ASIC2: variants seen among roughly 807,000 people sequenced by gnomAD.
ASIC2 encodes acid sensing ion channel subunit 2.
In ASIC2, 25 loss-of-function variants were observed where a neutral mutation model predicts 57.3. That is an observed-to-expected ratio of 0.44 (90% CI 0.32 to 0.61). The LOEUF is 0.61. Ranked by LOEUF, ASIC2 falls within the 20% of genes least tolerant of loss-of-function variation. The pLI is 0.06. For missense variants in ASIC2, 641 were observed against 738.1 expected (o/e 0.87, Z 1.52); for synonymous variants, 319 against 307.5 (o/e 1.04, Z -0.39).
chr17:33,779,498 C>G (rs1911383965), intron 1 of ASIC2, among the ~76,000 whole-genome samples: 3 of 152,216 alleles, frequency 2.0e-5, no homozygotes, highest in Non-Finnish European at 4.4e-5. Flanking sequence ...ACAAAGCCAG[C>G]TAGGGCTTTT....
chr17:33,534,313 G>C (rs1048103754), intron 1 of ASIC2: 1 of 152,138 alleles, frequency 6.6e-6, no homozygotes, highest in East Asian at 1.9e-4. Context: ...AGACAACCTT[G>C]AGCATGCAGA....
intron 1 of ASIC2, among the ~76,000 whole-genome samples, chr17:33,362,481 T>C (rs1262295896): frequency 6.6e-6 from 1 of 152,210 alleles, no homozygotes; most frequent in African/African-American, 2.4e-5. Flanking sequence ...GAGTAAGCTC[T>C]GGATGATGTT....
At chr17:34,153,494 A>G (rs1904601855) in intron 1 of ASIC2, among the ~76,000 whole-genome samples, 1 of 152,012 alleles carries the variant, frequency 6.6e-6, no homozygotes, top group Admixed American at 6.5e-5. Context: ...AGGCCAAAAA[A>G]AGACAGAGGG....
chr17:33,543,260 C>T (rs1915477137), intron 1 of ASIC2, among the ~76,000 whole-genome samples: 1 of 149,290 alleles, frequency 6.7e-6, no homozygotes, highest in Non-Finnish European at 1.5e-5. Flanking sequence ...ACAATGTGCA[C>T]ACGTACCCTA....
intron 1 of ASIC2, among the ~76,000 whole-genome samples, chr17:34,050,963 T>C (rs574922505): frequency 2.4e-4 from 36 of 152,316 alleles, no homozygotes; most frequent in African/African-American, 8.4e-4. Flanking sequence ...TGGGTTGTGA[T>C]TGAGGCTTGC....
chr17:33,295,036 G>C (rs1260814094), upstream of ASIC2, among the ~76,000 whole-genome samples: 1 of 152,092 alleles, frequency 6.6e-6, no homozygotes, highest in East Asian at 1.9e-4. Flanking sequence ...AAGCAACCAG[G>C]ACAAGCATGT....
chr17:33,093,667 A>C (rs2092166462), intron 2 of ASIC2, among the ~76,000 whole-genome samples: 1 of 152,110 alleles, frequency 6.6e-6, no homozygotes, highest in African/African-American at 2.4e-5. Context: ...GGTGAGATCT[A>C]CCTGGCCAGG....
At chr17:33,866,687 A>G (rs1023186747) in intron 1 of ASIC2, among the ~76,000 whole-genome samples, 1 of 152,182 alleles carries the variant, frequency 6.6e-6, no homozygotes, top group African/African-American at 2.4e-5. Context: ...CAATCGTCCC[A>G]TAAAATGTAG....
intron 1 of ASIC2, among the ~76,000 whole-genome samples, chr17:33,905,872 C>A (rs947342980): frequency 1.3e-5 from 2 of 152,048 alleles, no homozygotes; most frequent in African/African-American, 4.8e-5. Context: ...GGCTGGAGTG[C>A]GGTGGCATAA....
chr17:33,071,765 G>T (rs1304944418), intron 3 of ASIC2, among the ~76,000 whole-genome samples: 1 of 152,154 alleles, frequency 6.6e-6, no homozygotes, highest in Non-Finnish European at 1.5e-5. Flanking sequence ...GATTTGTTAG[G>T]CAGAAACAAA....
At chr17:33,945,954 C>A (rs1904361505) in intron 1 of ASIC2, among the ~76,000 whole-genome samples, 1 of 152,184 alleles carries the variant, frequency 6.6e-6, no homozygotes, top group Non-Finnish European at 1.5e-5. Context: ...ACAGGGAAAT[C>A]CCATTTGTGG....
rs953943393 is a variant in ASIC2 at position 33,036,311 on chromosome 17, A to G, written c.988-7919T>C. On this transcript the variant is annotated intron_variant, in intron 3 of 9. Coordinates refer to ENST00000225823, the MANE Select transcript of ASIC2 (RefSeq NM_183377.2). The stretch of plus-strand genomic sequence containing the variant: ...TGATCTTGTGAGGGGCAGAGTCAGC[A>G]GATTTCAGATCCTAAACTTGTGCTT... Among the ~76,000 whole-genome samples, 3 of 152,312 alleles carry G rather than the reference A, an allele frequency of 2.0e-5. No homozygotes were observed. The East Asian group carries it at 5.8e-4, about 29-fold the overall frequency.
intron 1 of ASIC2, among the ~76,000 whole-genome samples, chr17:33,483,387 T>C (rs1186831944): frequency 6.6e-5 from 10 of 152,200 alleles, no homozygotes; most frequent in Admixed American, 6.5e-4. Context: ...AACCTGAAGG[T>C]GGTCTTAGCA....
intron 1 of ASIC2, among the ~76,000 whole-genome samples, chr17:33,614,540 C>T (rs976053265): frequency 2.6e-5 from 4 of 152,202 alleles, no homozygotes; most frequent in Non-Finnish European, 2.9e-5. Context: ...ATTTCTGCAT[C>T]GCCAAGGGGC....
At chr17:33,425,368 C>A (rs17249326) in intron 1 of ASIC2, among the ~76,000 whole-genome samples, 2 of 152,076 alleles carry the variant, frequency 1.3e-5, no homozygotes, top group South Asian at 2.1e-4. Context: ...ATCTTTCTAT[C>A]GTGGCATATA....
At chr17:33,539,276 G>A (rs1915330900) in intron 1 of ASIC2, among the ~76,000 whole-genome samples, 1 of 152,250 alleles carries the variant, frequency 6.6e-6, no homozygotes, top group South Asian at 2.1e-4. Context: ...GTTTCTAAAT[G>A]GGCAGCCAGA....
At chr17:33,433,448 G>T (rs1473643481) in intron 1 of ASIC2, among the ~76,000 whole-genome samples, 1 of 152,188 alleles carries the variant, frequency 6.6e-6, no homozygotes, top group Non-Finnish European at 1.5e-5. Context: ...TAACCAGTGG[G>T]TATTAGGCTT....
rs963215449 is a variant in ASIC2 at position 33,852,530 on chromosome 17, G to A, written c.555+303448C>T. On this transcript the variant is annotated intron_variant, in intron 1 of 9. Transcript: ENST00000359872. ...GATTTTACATGATCTTAATCCACAT[G>A]TAAGTCCCATCTACACTTAATAATT... 7.2e-5 allele frequency among the ~76,000 whole-genome samples: 11 copies of A among 152,008 alleles called. 1 individual carries two copies. The highest frequency in any genetic ancestry group is 6.8e-3 in the Middle Eastern group (2 of 294).
At chr17:33,872,271 A>C (rs1329737806) in intron 1 of ASIC2, among the ~76,000 whole-genome samples, 1 of 152,160 alleles carries the variant, frequency 6.6e-6, no homozygotes, top group African/African-American at 2.4e-5. Context: ...ACATCGGGCC[A>C]CAGAAGCCCA....
Sources: gnomAD v4.1 joint callset for allele counts (sites outside exome capture counted in the v4.1 genomes callset) on GRCh38, gnomAD v4.1.1 for gene constraint, MANE v1.5 for transcripts, NCBI Gene and HGNC (gene_info 2026-07-23, HGNC 2026-07-21) for gene names.